The following JARID2 variants were observed in gnomAD, a reference collection of about 807,000 sequenced individuals.
JARID2 encodes protein Jumonji.
JARID2 carries 21 observed loss-of-function variants against 125.6 expected under a neutral mutation model. The ratio of observed to expected loss-of-function variants is 0.17; its 90% CI spans 0.12 to 0.24. The LOEUF is 0.24. Among genes scored for constraint, JARID2 ranks in the 10% least tolerant of loss-of-function variants. The pLI is 1.00. For synonymous variants in JARID2, 736 were observed against 661.6 expected (o/e 1.11, Z -1.73); for missense variants, 1,303 against 1,639.6 (o/e 0.79, Z 3.55).
intron 1 of JARID2, among the ~76,000 whole-genome samples, chr6:15,283,099 C>G (rs1192332854): frequency 6.6e-6 from 1 of 151,732 alleles, no homozygotes; most frequent in East Asian, 1.9e-4. Flanking sequence ...CTGCCTCAGC[C>G]TCCCGAGTAG....
intron 3 of JARID2, among the ~76,000 whole-genome samples, chr6:15,430,303 A>G (rs574169331): frequency 3.9e-5 from 6 of 152,328 alleles, no homozygotes; most frequent in African/African-American, 1.4e-4. Context: ...ACCATGTATG[A>G]CCACTTTATA....
intron 1 of JARID2, among the ~76,000 whole-genome samples, chr6:15,268,167 C>T (rs1372695389): frequency 6.6e-6 from 1 of 152,208 alleles, no homozygotes; most frequent in African/African-American, 2.4e-5. Flanking sequence ...ACCCTTCTGA[C>T]AGCATTTTTG....
chr6:15,328,495 G>A (rs1245195839), intron 1 of JARID2, among the ~76,000 whole-genome samples: 1 of 152,182 alleles, frequency 6.6e-6, no homozygotes, highest in Admixed American at 6.5e-5. Flanking sequence ...ATCATTTAGT[G>A]TCATTGGGAG....
chr6:15,488,150 C>T (rs1769973452), intron 6 of JARID2, among the ~76,000 whole-genome samples: 1 of 152,136 alleles, frequency 6.6e-6, no homozygotes, highest in Non-Finnish European at 1.5e-5. Flanking sequence ...CCTGCGCTGT[C>T]CCCCCACCCG....
intron 1 of JARID2, among the ~76,000 whole-genome samples, chr6:15,336,873 C>T (rs1305120498): frequency 6.6e-6 from 1 of 152,014 alleles, no homozygotes; most frequent in Non-Finnish European, 1.5e-5. Context: ...TTCTGTTGCG[C>T]AGTCAGGATT....
chr6:15,473,355 G>A (rs567846710), intron 5 of JARID2, among the ~76,000 whole-genome samples: 2 of 152,144 alleles, frequency 1.3e-5, no homozygotes, highest in African/African-American at 4.8e-5. Context: ...GGGAGATGAT[G>A]TCTCCTGGCA....
intron 1 of JARID2, among the ~76,000 whole-genome samples, chr6:15,317,494 T>A (rs1762217865): frequency 6.6e-6 from 1 of 152,192 alleles, no homozygotes; most frequent in Non-Finnish European, 1.5e-5. Flanking sequence ...AGGAAATTTT[T>A]ACCTTTTACT....
chr6:15,271,037 G>A (rs146069133), intron 1 of JARID2, among the ~76,000 whole-genome samples: 76 of 152,280 alleles, frequency 5.0e-4, no homozygotes, highest in African/African-American at 1.8e-3. Context: ...CAAGTATTGT[G>A]TGATGGGAAC....
chr6:15,415,427 G>A (rs1675661098), intron 3 of JARID2, among the ~76,000 whole-genome samples: 1 of 150,954 alleles, frequency 6.6e-6, no homozygotes, highest in African/African-American at 2.4e-5. Context: ...AGACGGGGCG[G>A]CTGGCCGGGC....
chr6:15,266,589 G>A (rs974118073), intron 1 of JARID2, among the ~76,000 whole-genome samples: 1 of 152,204 alleles, frequency 6.6e-6, no homozygotes, highest in African/African-American at 2.4e-5. Context: ...GGTGTTTGTA[G>A]TATATTTTGA....
rs577723556 is a variant in JARID2 at position 15,458,654 on chromosome 6, A to G, written c.493+6479A>G. Among the ~76,000 whole-genome samples, 3 of 152,358 alleles carry G rather than the reference A, an allele frequency of 2.0e-5. No individual in the cohort carries two copies. In the East Asian group the frequency reaches 5.8e-4, roughly 29 times the overall value. On this transcript the variant is annotated intron_variant, in intron 4 of 17. Transcript: ENST00000341776. The stretch of plus-strand genomic sequence containing the variant: ...GGTGGGTGAAATTGAGGATATAACA[A>G]TAAATGCGTGAAAATGCTGGGATAG...
chr6:15,448,065 C>T (rs1767752160), intron 3 of JARID2, among the ~76,000 whole-genome samples: 1 of 152,216 alleles, frequency 6.6e-6, no homozygotes, highest in South Asian at 2.1e-4. Flanking sequence ...AAAAGCCACA[C>T]TGCAGACCTA....
intron 1 of JARID2, among the ~76,000 whole-genome samples, chr6:15,323,772 G>A (rs1284310943): frequency 6.6e-6 from 1 of 152,132 alleles, no homozygotes; most frequent in Non-Finnish European, 1.5e-5. Context: ...GTGTGCGCCT[G>A]TAATCCCAGC....
intron 6 of JARID2, 88 bp from the exon 7 acceptor site, chr6:15,496,044 A>C (rs1195909837): frequency 9.3e-7 from 1 of 1,069,610 alleles, no homozygotes; most frequent in African/African-American, 1.6e-5. Context: ...CCCAGCATCC[A>C]GGGTCCTTTC....
intron 2 of JARID2, among the ~76,000 whole-genome samples, chr6:15,402,831 C>T (rs1581509637): frequency 6.6e-6 from 1 of 152,030 alleles, no homozygotes; most frequent in South Asian, 2.1e-4. Flanking sequence ...GTATTTATAA[C>T]TGGGTTGTCT....
chr6:15,379,819 C>T (rs1764509266), intron 2 of JARID2, among the ~76,000 whole-genome samples: 2 of 152,162 alleles, frequency 1.3e-5, no homozygotes, highest in African/African-American at 4.8e-5. Flanking sequence ...TAAGTGGAAG[C>T]ATGAGGATAT....
intron 1 of JARID2, among the ~76,000 whole-genome samples, chr6:15,258,130 C>T (rs774430919): frequency 5.9e-5 from 9 of 152,180 alleles, no homozygotes; most frequent in Admixed American, 2.0e-4. Context: ...TGTATATTTA[C>T]GAAGATCCCT....
chr6:15,475,097 C>G (rs1289689875), intron 5 of JARID2, among the ~76,000 whole-genome samples: 1 of 152,154 alleles, frequency 6.6e-6, no homozygotes, highest in Non-Finnish European at 1.5e-5. Flanking sequence ...AAAGTTCTTT[C>G]CTGCAAAATT....
intron 1 of JARID2, among the ~76,000 whole-genome samples, chr6:15,251,630 G>A (rs999918519): frequency 6.6e-6 from 1 of 152,152 alleles, no homozygotes; most frequent in Non-Finnish European, 1.5e-5. Flanking sequence ...TCCCAAATCT[G>A]GTTATTCCAG....
Sources: allele counts gnomAD v4.1 joint callset (sites outside exome capture counted in the v4.1 genomes callset), GRCh38; gene constraint gnomAD v4.1.1; transcripts MANE v1.5; gene names NCBI Gene and HGNC (gene_info 2026-07-23, HGNC 2026-07-21).